Variants in ACTN1 observed in about 807,000 individuals in gnomAD.
ACTN1 encodes the protein alpha-actinin-1.
Under a neutral mutation model 119.6 loss-of-function variants are expected in ACTN1, and 30 were observed. The ratio of observed to expected loss-of-function variants is 0.25; its 90% CI spans 0.19 to 0.34. The LOEUF (loss-of-function observed/expected upper bound fraction) is 0.34, where lower values mean the gene tolerates loss of function less well. ACTN1 is among the 10% of genes least tolerant of loss of function. ACTN1 has a pLI of 1.00. For missense variants in ACTN1, 764 were observed against 1,223.4 expected, an observed-to-expected ratio of 0.62 and a Z score of 5.60; for synonymous variants, 429 against 472.6, an observed-to-expected ratio of 0.91 and a Z score of 1.20.
intron 1 of ACTN1, among the ~76,000 whole-genome samples, chr14:68,950,467 T>TATGTGTATATATATATATATATAC (rs2036118815): frequency 6.7e-6 from 1 of 148,506 alleles, no homozygotes; most frequent in African/African-American, 2.6e-5. Flanking sequence ...TGTGTGTATA[T>TATGTGTATATATATATATATATAC]ATATATATAT....
chr14:68,914,905 C>T (rs1022895130), intron 3 of ACTN1, among the ~76,000 whole-genome samples: 5 of 152,132 alleles, frequency 3.3e-5, no homozygotes, highest in African/African-American at 4.8e-5. Context: ...GGAAATTAAT[C>T]AATTAATCTG....
chr14:68,957,590 A>G (rs2036390686), intron 1 of ACTN1, among the ~76,000 whole-genome samples: 1 of 152,224 alleles, frequency 6.6e-6, no homozygotes, highest in Non-Finnish European at 1.5e-5. Context: ...CGAATGGACC[A>G]TCTTCTTCCT....
In ACTN1 at chr14:68,882,451, G is replaced by T. The variant is rs772865765; in HGVS notation, c.1953+7C>A. 5 of 1,613,870 alleles carry T rather than the reference G, an allele frequency of 3.1e-6. No homozygotes were observed. In the East Asian group the frequency reaches 1.1e-4, roughly 36 times the overall value. On this transcript the variant is annotated splice_region_variant and intron_variant, in intron 16 of 21. Transcript: ENST00000394419. This position sits in a 1 kb window ranked among gnomAD's most constrained non-coding sequence, Gnocchi z 4.5. ...GCCCCAGCACTGCTTCCCAGCATGG[G>T]ACCCACCTCCATCTTGGTCTGGATC...
chr14:68,927,152 G>A (rs1280276285), intron 1 of ACTN1, among the ~76,000 whole-genome samples: 1 of 151,322 alleles, frequency 6.6e-6, no homozygotes, highest in Non-Finnish European at 1.5e-5. Flanking sequence ...ACAGATCAGG[G>A]TAGATAGGGG....
intron 1 of ACTN1, among the ~76,000 whole-genome samples, chr14:68,930,082 A>G (rs2140419880): frequency 6.6e-6 from 1 of 152,352 alleles, no homozygotes; most frequent in South Asian, 2.1e-4. Context: ...ATCATGTGAT[A>G]TACTTCCTTT....
intron 4 of ACTN1, among the ~76,000 whole-genome samples, chr14:68,911,576 AT>A (rs1412996807): frequency 1.3e-5 from 2 of 152,270 alleles, no homozygotes; most frequent in African/African-American, 4.8e-5. Flanking sequence ...TATTTAAAAA[AT>A]AGTATCTCCA....
At chr14:68,955,141 T>A (rs1345891269) in intron 1 of ACTN1, among the ~76,000 whole-genome samples, 5 of 152,168 alleles carry the variant, frequency 3.3e-5, no homozygotes, top group Non-Finnish European at 7.4e-5. Context: ...ATCTACCCTA[T>A]GAAGCTCCCA....
At chr14:68,914,203 A>C (rs559034222) in intron 3 of ACTN1, among the ~76,000 whole-genome samples, 1 of 152,306 alleles carries the variant, frequency 6.6e-6, no homozygotes, top group Non-Finnish European at 1.5e-5. Context: ...TCTCTAAAAA[A>C]ATGAATAAAT....
At position 68,884,885 on chromosome 14, in the gene ACTN1, T is replaced by G; in HGVS notation, c.1386-2A>C. The G allele has an allele frequency of 6.2e-7, 1 of 1,610,856 alleles. No individual in the cohort carries two copies. Among genetic ancestry groups the G allele is most frequent in the Non-Finnish European group, 8.5e-7 (1 of 1,177,026 alleles). On this transcript the variant is annotated splice_acceptor_variant, in intron 12 of 21. Coordinates refer to ENST00000394419, the MANE Select transcript of ACTN1 (RefSeq NM_001130004.2). LOFTEE classifies it high-confidence loss of function. ...GGTGAGTCATAATAGTCCAGCTCAC[T>G]GGGGAGGGAAGAGACAAGGAAGTCA...
At chr14:68,970,414 C>G (rs897770105) in intron 1 of ACTN1, among the ~76,000 whole-genome samples, 2 of 152,220 alleles carry the variant, frequency 1.3e-5, no homozygotes, top group Non-Finnish European at 2.9e-5. Flanking sequence ...ACAAGAACCT[C>G]AAACGTTACG....
chr14:68,884,446 G>T, intron 13 of ACTN1, 138 bp from the exon 14 acceptor site: 2 of 1,067,592 alleles, frequency 1.9e-6, no homozygotes, highest in Non-Finnish European at 2.7e-6. Flanking sequence ...CTTCCTGCCA[G>T]CTGTATGAAC....
In ACTN1 at chr14:68,880,136, A is replaced by G; in HGVS notation, c.2134-28T>C. The stretch of plus-strand genomic sequence containing the variant: ...GCAGGACGGCAAGGGGCCTGTCAGC[A>G]AAGGGGTCCCAGGCCTGGGCTCCTG... On this transcript the variant is annotated intron_variant, in intron 17 of 21. Coordinates refer to ENST00000394419, the MANE Select transcript of ACTN1 (RefSeq NM_001130004.2). This position sits in a 1 kb window ranked among gnomAD's most constrained non-coding sequence, Gnocchi z 4.6. 1 of 1,609,872 alleles carries G rather than the reference A, an allele frequency of 6.2e-7. No individual in the cohort carries two copies. The highest frequency in any genetic ancestry group is 8.5e-7 in the Non-Finnish European group (1 of 1,177,500).
At chr14:68,898,892 C>CCCACACACT (rs1398771121) in intron 8 of ACTN1, among the ~76,000 whole-genome samples, 1 of 151,648 alleles carries the variant, frequency 6.6e-6, no homozygotes, top group Non-Finnish European at 1.5e-5. Flanking sequence ...CCATCCACAT[C>CCCACACACT]CCACACACTC....
chr14:68,976,194 C>T (rs951583791), intron 1 of ACTN1, among the ~76,000 whole-genome samples: 1 of 152,146 alleles, frequency 6.6e-6, no homozygotes, highest in African/African-American at 2.4e-5. Flanking sequence ...TATGGCTGCA[C>T]CAAAGCTAAA....
In ACTN1 at chr14:68,880,079, G is replaced by A. The variant is rs1395463265; in HGVS notation, c.2163C>T (p.Leu721=). The A allele has an allele frequency of 1.9e-6, 3 of 1,614,164 alleles. No individual in the cohort carries two copies. Among genetic ancestry groups the A allele is most frequent in the East Asian group, 2.2e-5 (1 of 44,888 alleles). Residue 721 remains leucine, a synonymous_variant, in exon 18 of 22, where the codon CTC becomes CTT. Transcript: ENST00000394419. The surrounding 1 kb of genome is among the most constrained non-coding windows in gnomAD (Gnocchi z 4.6). ...CATTGATGGTCCTGGCGATGGTGGT[G>A]AGCAGCTGCTCCCAGCCCACACGGA... ...EHIRVGWEQL[L]TTIARTINEV...
intron 1 of ACTN1, among the ~76,000 whole-genome samples, chr14:68,926,938 T>G (rs1462400063): frequency 6.6e-6 from 1 of 152,148 alleles, no homozygotes; most frequent in Non-Finnish European, 1.5e-5. Flanking sequence ...AAGCTATCCC[T>G]CCACACAGGC....
chr14:68,924,357 G>T (rs1315087485), intron 2 of ACTN1, among the ~76,000 whole-genome samples: 1 of 152,238 alleles, frequency 6.6e-6, no homozygotes, highest in African/African-American at 2.4e-5. Context: ...GTTAGAGCTT[G>T]TGCAAAGGCA....
Position 68,874,856 on chromosome 14 carries a change from G to A in ACTN1, c.*3C>T, listed in dbSNP as rs375245539. The A allele has an allele frequency of 1.3e-6, 2 of 1,574,334 alleles. No homozygotes were observed. Among genetic ancestry groups the A allele is most frequent in the African/African-American group, 2.7e-5 (2 of 74,320 alleles). ...CAAGACGAGGGCGGCCGGGCGGGGT[G>A]GATTAGAGGTCACTCTCGCCGTACA... On this transcript the variant is annotated 3_prime_UTR_variant, in exon 22 of 22. Transcript: ENST00000394419.
chr14:68,957,757 A>G (rs2036396212), intron 1 of ACTN1, among the ~76,000 whole-genome samples: 1 of 152,158 alleles, frequency 6.6e-6, no homozygotes, highest in Admixed American at 6.5e-5. Context: ...TCTGGCCAGC[A>G]TGGGAAGGGG....
Sources: allele counts gnomAD v4.1 joint callset (sites outside exome capture counted in the v4.1 genomes callset), GRCh38; gene constraint gnomAD v4.1.1; non-coding constraint Gnocchi (gnomAD v3.1); transcripts MANE v1.5; gene names NCBI Gene and HGNC (gene_info 2026-07-23, HGNC 2026-07-21).